Variants in HS3ST5 observed in about 807,000 individuals in gnomAD.
The protein encoded by HS3ST5 is heparan sulfate-glucosamine 3-sulfotransferase 5.
Under a neutral mutation model 25.4 loss-of-function variants are expected in HS3ST5, and 10 were observed. The ratio of observed to expected loss-of-function variants is 0.39; its 90% CI spans 0.24 to 0.67. The LOEUF (loss-of-function observed/expected upper bound fraction) is 0.67. Among genes scored for constraint, HS3ST5 ranks in the 30% least tolerant of loss-of-function variants. The probability of loss-of-function intolerance (pLI) is 0.44; values close to 1 mark genes in which losing one functional copy is unlikely to be tolerated. For missense variants in HS3ST5, 324 were observed against 420.7 expected (o/e 0.77, Z 2.01); for synonymous variants, 170 against 162.4 (o/e 1.05, Z -0.36).
At chr6:114,289,736 A>G (rs1271619912) in intron 1 of HS3ST5, among the ~76,000 whole-genome samples, 3 of 152,178 alleles carry the variant, frequency 2.0e-5, no homozygotes, top group Non-Finnish European at 4.4e-5. Flanking sequence ...TGTGAGCTCT[A>G]CAAGTACAAA....
chr6:114,164,319 C>G (rs1320686952), intron 3 of HS3ST5, among the ~76,000 whole-genome samples: 1 of 152,142 alleles, frequency 6.6e-6, no homozygotes, highest in East Asian at 1.9e-4. Flanking sequence ...TGCTGTGTGA[C>G]TGTGATCATT....
At chr6:114,104,511 T>C (rs147674723) in intron 3 of HS3ST5, among the ~76,000 whole-genome samples, 30 of 152,354 alleles carry the variant, frequency 2.0e-4, no homozygotes, top group Non-Finnish European at 4.3e-4. Flanking sequence ...TGTGGAATCC[T>C]ATACTTACCT....
At chr6:114,329,313 AAATTC>A (rs1389057656) in intron 1 of HS3ST5, among the ~76,000 whole-genome samples, 1 of 152,236 alleles carries the variant, frequency 6.6e-6, no homozygotes, top group Non-Finnish European at 1.5e-5. Flanking sequence ...AAATCAAAAG[AAATTC>A]ATGGTGTTTG....
At chr6:114,114,705 T>C (rs372691740) in intron 3 of HS3ST5, among the ~76,000 whole-genome samples, 72 of 152,232 alleles carry the variant, frequency 4.7e-4, no homozygotes, top group African/African-American at 1.4e-3. Context: ...AAATTAATCA[T>C]AGTATAATAT....
At chr6:114,142,251 T>C (rs1196448545) in intron 3 of HS3ST5, among the ~76,000 whole-genome samples, 1 of 152,222 alleles carries the variant, frequency 6.6e-6, no homozygotes, top group Non-Finnish European at 1.5e-5. Context: ...CATGCATTTA[T>C]AGGAGCTGTG....
intron 1 of HS3ST5, among the ~76,000 whole-genome samples, chr6:114,246,171 T>G (rs1327568893): frequency 6.6e-6 from 1 of 152,212 alleles, no homozygotes; most frequent in African/African-American, 2.4e-5. Flanking sequence ...GAATAAAACA[T>G]CTTAATATAA....
intron 2 of HS3ST5, among the ~76,000 whole-genome samples, chr6:114,207,318 G>A (rs182898226): frequency 1.3e-5 from 2 of 152,270 alleles, no homozygotes; most frequent in East Asian, 3.9e-4. Flanking sequence ...AGGAGCGCAA[G>A]TCAGGTGGTT....
intron 3 of HS3ST5, among the ~76,000 whole-genome samples, chr6:114,166,828 G>A (rs1332122085): frequency 3.3e-5 from 5 of 151,962 alleles, no homozygotes; most frequent in African/African-American, 7.3e-5. Context: ...CTCTGAGTCA[G>A]ACTGAAAAAA....
At chr6:114,243,086 A>G (rs1298325320) in intron 1 of HS3ST5, among the ~76,000 whole-genome samples, 3 of 152,142 alleles carry the variant, frequency 2.0e-5, no homozygotes, top group Non-Finnish European at 2.9e-5. Context: ...GAGCAAAACT[A>G]AACTGCCCCA....
chr6:114,216,676 C>G (rs1342461226), intron 2 of HS3ST5, among the ~76,000 whole-genome samples: 1 of 132,108 alleles, frequency 7.6e-6, no homozygotes, highest in Non-Finnish European at 1.6e-5. Context: ...TATTCTGACT[C>G]AGAAAACCTT....
At chr6:114,104,411 C>T (rs1038649400) in intron 3 of HS3ST5, among the ~76,000 whole-genome samples, 1 of 152,182 alleles carries the variant, frequency 6.6e-6, no homozygotes, top group Non-Finnish European at 1.5e-5. Context: ...CCCGGCAGCC[C>T]ATAGCCATTT....
chr6:114,237,225 C>T (rs769257015), intron 1 of HS3ST5, among the ~76,000 whole-genome samples: 13 of 151,714 alleles, frequency 8.6e-5, no homozygotes, highest in African/African-American at 1.7e-4. Flanking sequence ...CTCTAGTTGA[C>T]AAAAATATCC....
chr6:114,138,682 A>C (rs1777756525), intron 3 of HS3ST5, among the ~76,000 whole-genome samples: 1 of 152,198 alleles, frequency 6.6e-6, no homozygotes. Flanking sequence ...AATTTATGGC[A>C]AACATTTCTT....
At chr6:114,281,230 T>C (rs949651877) in intron 1 of HS3ST5, among the ~76,000 whole-genome samples, 1 of 152,024 alleles carries the variant, frequency 6.6e-6, no homozygotes, top group African/African-American at 2.4e-5. Flanking sequence ...ATAACTTACA[T>C]AATAACATGT....
chr6:114,251,275 GTCGAACAGA>G (rs763021830), intron 1 of HS3ST5, among the ~76,000 whole-genome samples: 21 of 152,172 alleles, frequency 1.4e-4, no homozygotes, highest in Non-Finnish European at 2.4e-4. Context: ...AGCCCAATAT[GTCGAACAGA>G]TGAAAGAGGG....
intron 3 of HS3ST5, among the ~76,000 whole-genome samples, chr6:114,156,810 G>A (rs1223537522): frequency 1.3e-5 from 2 of 151,852 alleles, no homozygotes; most frequent in African/African-American, 4.8e-5. Flanking sequence ...TTCCTTCTCG[G>A]TGTTCTTTGA....
intron 3 of HS3ST5, among the ~76,000 whole-genome samples, chr6:114,081,838 T>C (rs1012658066): frequency 2.0e-4 from 31 of 152,234 alleles, no homozygotes; most frequent in Non-Finnish European, 2.9e-4. Flanking sequence ...TCACTATTCC[T>C]TTTTTATTGG....
intron 3 of HS3ST5, among the ~76,000 whole-genome samples, chr6:114,141,914 T>C (rs1777924699): frequency 6.7e-6 from 1 of 149,896 alleles, no homozygotes; most frequent in Non-Finnish European, 1.5e-5. Flanking sequence ...GTATTTTGCA[T>C]ACAAGCCTGC....
chr6:114,149,549 G>C (rs1461206940), intron 3 of HS3ST5, among the ~76,000 whole-genome samples: 1 of 152,114 alleles, frequency 6.6e-6, no homozygotes, highest in Non-Finnish European at 1.5e-5. Flanking sequence ...CATAGACACA[G>C]GGAGGGGAAC....
Sources: gnomAD v4.1 joint callset for allele counts (sites outside exome capture counted in the v4.1 genomes callset) on GRCh38, gnomAD v4.1.1 for gene constraint, MANE v1.5 for transcripts, NCBI Gene and HGNC (gene_info 2026-07-23, HGNC 2026-07-21) for gene names.